APLP2: variants seen among roughly 807,000 people sequenced by gnomAD.
The protein encoded by APLP2 is amyloid beta precursor like protein 2, also known as CDEI box-binding protein.
A neutral mutation model predicts 89.9 loss-of-function variants in APLP2; 53 were observed. The ratio of observed to expected loss-of-function variants is 0.59; its 90% CI spans 0.47 to 0.74. APLP2 has a LOEUF of 0.74. APLP2 is among the 30% of genes least tolerant of loss of function. The pLI is 0.00. For synonymous variants in APLP2, 372 were observed against 348.6 expected, an observed-to-expected ratio of 1.07 and a Z score of -0.75; for missense variants, 973 against 975.9, an observed-to-expected ratio of 1.00 and a Z score of 0.04.
Position 130,143,539 on chromosome 11 carries a change from C to T in APLP2, c.*91C>T, listed in dbSNP as rs1952673396. On this transcript the variant is annotated 3_prime_UTR_variant, in exon 17 of 17. Transcript: ENST00000338167. ...TCGACTGCCAAGCAGCAGCCGCTGCCAGGGGCTGCGTCTGACATCCTGACC... is the reference window on the plus strand; with the variant it reads ...TCGACTGCCAAGCAGCAGCCGCTGCTAGGGGCTGCGTCTGACATCCTGACC... 9.0e-7 allele frequency: 1 copy of T among 1,108,866 alleles called. No homozygotes were observed. Among genetic ancestry groups the T allele is most frequent in the Non-Finnish European group, 1.4e-6 (1 of 731,736 alleles). 68.7% of individuals were successfully genotyped at this position (1,108,866 alleles called of 1,614,324 possible).
chr11:130,101,951 G>A (rs1051209417), intron 1 of APLP2: 13 of 456,006 alleles, frequency 2.9e-5, no homozygotes, highest in Admixed American at 1.9e-4. Context: ...TGCAGTCCCC[G>A]GTCTTTCCTG....
At chr11:130,096,976 A>G (rs1179555590) in intron 1 of APLP2, among the ~76,000 whole-genome samples, 1 of 152,242 alleles carries the variant, frequency 6.6e-6, no homozygotes, top group East Asian at 1.9e-4. Flanking sequence ...GATAATTACA[A>G]TAATGCACAT....
At chr11:130,091,586 G>C (rs1422990934) in intron 1 of APLP2, among the ~76,000 whole-genome samples, 4 of 131,538 alleles carry the variant, frequency 3.0e-5, no homozygotes, top group Non-Finnish European at 6.5e-5. Context: ...CTGGCCGGGT[G>C]GGGGGGCTGA....
chr11:130,141,304 C>G lies in APLP2; in HGVS notation c.1924-194C>G, dbSNP rs868229112. ...ACCAGCTGCCATAATATAGTCTTCC[C>G]TCCATACCTGCCCCTTCATTAGGGG... On this transcript the variant is annotated intron_variant, in intron 14 of 16. Coordinates refer to ENST00000338167, the MANE Select transcript of APLP2 (RefSeq NM_001142276.2). This position sits in a 1 kb window ranked among gnomAD's most constrained non-coding sequence, Gnocchi z 4.2. 2.0e-5 allele frequency: 12 copies of G among 595,720 alleles called. No homozygotes were observed. The highest frequency in any genetic ancestry group is 1.8e-4 in the South Asian group (9 of 49,594). 36.9% of individuals were successfully genotyped at this position (595,720 alleles called of 1,614,324 possible). A position where few individuals can be genotyped will look rare whatever the true frequency, so the allele number is the denominator to read the frequency against.
intron 3 of APLP2, 141 bp from the exon 4 acceptor site, chr11:130,120,565 T>G: frequency 1.5e-6 from 1 of 668,170 alleles, no homozygotes; most frequent in Admixed American, 2.1e-5. Context: ...CCAGTCAGCC[T>G]TTGAAGGTAC....
At chr11:130,083,662 AT>A (rs923553002) in intron 1 of APLP2, among the ~76,000 whole-genome samples, 20 of 151,252 alleles carry the variant, frequency 1.3e-4, no homozygotes, top group Middle Eastern at 3.2e-3. Context: ...CAGAATTTAC[AT>A]TTTTTTTAAG....
At position 130,115,157 on chromosome 11, in the gene APLP2, A is replaced by G. The variant is rs148592821; in HGVS notation, c.403+4496A>G. On this transcript the variant is annotated intron_variant, in intron 3 of 16. Transcript: ENST00000338167. ...AGCTTTTACCAGCTCCCTAAATTAC[A>G]TGGTTTTCCTGTTTGCACCTGGAGT... 3.4e-4 allele frequency among the ~76,000 whole-genome samples: 51 copies of G among 151,966 alleles called. No individual in the cohort carries two copies. In the East Asian group the frequency reaches 7.7e-3, roughly 23 times the overall value.
chr11:130,099,397 G>T (rs1354916456), intron 1 of APLP2, among the ~76,000 whole-genome samples: 1 of 152,212 alleles, frequency 6.6e-6, no homozygotes, highest in Non-Finnish European at 1.5e-5. Context: ...CTAAGGTCAA[G>T]AGAGATTAAA....
chr11:130,104,279 G>A (rs1287173549), intron 1 of APLP2, among the ~76,000 whole-genome samples: 10 of 137,474 alleles, frequency 7.3e-5, no homozygotes, highest in African/African-American at 1.7e-4. Flanking sequence ...GTGCAGTGGC[G>A]CAATCTCGGC....
Position 130,122,467 on chromosome 11 carries a change from C to T in APLP2, c.876C>T (p.Gly292=). 1 of 1,614,134 alleles carries T rather than the reference C, an allele frequency of 6.2e-7. No individual in the cohort carries two copies. Among genetic ancestry groups the T allele is most frequent in the Non-Finnish European group, 8.5e-7 (1 of 1,180,000 alleles). ...ATGAGGAGAATCCTACTGAACCCGGCAGCGACGGCACCATGTCAGACAAGG... is the reference window on the plus strand; with the variant it reads ...ATGAGGAGAATCCTACTGAACCCGGTAGCGACGGCACCATGTCAGACAAGG... ...DYNEENPTEP[G]SDGTMSDKEI... Residue 292 remains glycine, a synonymous_variant, in exon 6 of 17, where the codon GGC becomes GGT. Coordinates refer to ENST00000338167, the MANE Select transcript of APLP2 (RefSeq NM_001142276.2).
chr11:130,121,529 T>C (rs1949817050), intron 4 of APLP2, 85 bp from the exon 5 acceptor site: 2 of 1,413,144 alleles, frequency 1.4e-6, no homozygotes, highest in South Asian at 3.9e-5. Flanking sequence ...TTGATAAGGG[T>C]TTATTTTGGA....
intron 12 of APLP2, among the ~76,000 whole-genome samples, chr11:130,134,529 A>T (rs1951323079): frequency 6.6e-6 from 1 of 152,244 alleles, no homozygotes; most frequent in South Asian, 2.1e-4. Context: ...TTTGGATTTT[A>T]TTCTAGGATA....
chr11:130,143,303 C>G, intron 16 of APLP2, 44 bp from the exon 17 acceptor site: 3 of 1,548,714 alleles, frequency 1.9e-6, no homozygotes, highest in South Asian at 2.2e-5. Flanking sequence ...CTGTGCAGGT[C>G]TCTTCCCAGA....
At chr11:130,079,468 T>G (rs1942778511) in intron 1 of APLP2, among the ~76,000 whole-genome samples, 1 of 152,204 alleles carries the variant, frequency 6.6e-6, no homozygotes, top group East Asian at 1.9e-4. Context: ...TGCATAGAGA[T>G]CTTGTGTATC....
At position 130,135,675 on chromosome 11, in the gene APLP2, C is replaced by G. The variant is rs368879297; in HGVS notation, c.1797C>G (p.Phe599Leu). The G allele has an allele frequency of 7.2e-5, 116 of 1,612,500 alleles. No homozygotes were observed. Among genetic ancestry groups the G allele is most frequent in the Non-Finnish European group, 9.8e-5 (116 of 1,180,002 alleles). ...AGGAGAGTGAGGAGATCCCACCGTT[C>G]CACCCCTTCCACCCCTTCCCAGCCC... ...SSEESEEIPP[F>L]HPFHPFPALP... is the part of the protein sequence containing the mutation. The change falls in exon 13 of 17, where the codon TTC (phenylalanine) becomes TTG (leucine). Residue 599 changes from phenylalanine (F) to leucine (L), a missense_variant. Phe to Leu is a conservative substitution (Grantham distance 22). Coordinates refer to ENST00000338167, the MANE Select transcript of APLP2 (RefSeq NM_001142276.2).
chr11:130,084,447 C>G (rs1480828654), intron 1 of APLP2, among the ~76,000 whole-genome samples: 1 of 152,108 alleles, frequency 6.6e-6, no homozygotes, highest in Non-Finnish European at 1.5e-5. Context: ...TTGTTGACAT[C>G]CTTTGCGTCT....
At position 130,123,752 on chromosome 11, in the gene APLP2, T is replaced by C; in HGVS notation, c.1063T>C (p.Tyr355His). The change falls in exon 7 of 17, where the codon TAT becomes CAT. Residue 355 changes from tyrosine (Y) to histidine (H), a missense_variant. By Grantham distance (83) the Tyr-to-His change is moderately conservative (BLOSUM62 2). Coordinates refer to ENST00000338167, the MANE Select transcript of APLP2 (RefSeq NM_001142276.2). The surrounding 1 kb of genome is among the most constrained non-coding windows in gnomAD (Gnocchi z 4.0). ...CAGGAACAATTTTGAGTCTGAGGATTATTGTATGGCTGTGTGTAAAGCGAT... is the reference window on the plus strand; with the variant it reads ...CAGGAACAATTTTGAGTCTGAGGATCATTGTATGGCTGTGTGTAAAGCGAT... ...GNRNNFESED[Y>H]CMAVCKAMIP... is the part of the protein sequence containing the mutation. 1 of 1,614,252 alleles carries C rather than the reference T, an allele frequency of 6.2e-7. No homozygotes were observed.
At chr11:130,070,313 G>T (rs59295796) in intron 1 of APLP2, among the ~76,000 whole-genome samples, 19,012 of 151,286 alleles carry the variant, frequency 0.13, 2,049 homozygotes, top group African/African-American at 0.29. Context: ...AGGCGTCGGG[G>T]CTGCTGGGGG....
chr11:130,125,017 C>T lies in APLP2; in HGVS notation c.1090+1238C>T, dbSNP rs115871303. Among the ~76,000 whole-genome samples the T allele has an allele frequency of 4.0e-3, 605 of 152,278 alleles. 4 individuals carry two copies. The highest frequency in any genetic ancestry group is 0.014 in the African/African-American group (577 of 41,554). ...TGGAGTGGCAGGTCTGTAAAACTCC[C>T]GTTTGCTGTGGCTTGGATGAGATTT... On this transcript the variant is annotated intron_variant, in intron 7 of 16. Transcript: ENST00000338167.
Sources: gnomAD v4.1 joint callset for allele counts (sites outside exome capture counted in the v4.1 genomes callset) on GRCh38, gnomAD v4.1.1 for gene constraint, Gnocchi (gnomAD v3.1) non-coding constraint, MANE v1.5 for transcripts, NCBI Gene and HGNC (gene_info 2026-07-23, HGNC 2026-07-21) for gene names.